GRM5: variants seen among roughly 807,000 people sequenced by gnomAD.
GRM5 encodes glutamate metabotropic receptor 5, also known as metabotropic glutamate receptor 5.
In GRM5, 19 loss-of-function variants were observed where a neutral mutation model predicts 83.1. That is an observed-to-expected ratio of 0.23 (90% CI 0.16 to 0.34). GRM5 has a LOEUF of 0.34. Among genes scored for constraint, GRM5 ranks in the 10% least tolerant of loss-of-function variants. The pLI is 1.00. For synonymous variants in GRM5, 675 were observed against 633.6 expected (o/e 1.07, Z -0.98); for missense variants, 1,160 against 1,588.3 (o/e 0.73, Z 4.58).
chr11:88,583,099 C>T (rs904139384), intron 7 of GRM5, among the ~76,000 whole-genome samples: 3 of 150,624 alleles, frequency 2.0e-5, no homozygotes, highest in African/African-American at 7.3e-5. Flanking sequence ...ATTTAATGTG[C>T]TTATTTATTA....
chr11:88,833,979 A>C (rs1944044915), intron 3 of GRM5, among the ~76,000 whole-genome samples: 1 of 152,178 alleles, frequency 6.6e-6, no homozygotes, highest in Non-Finnish European at 1.5e-5. Flanking sequence ...GTAGGGCGTA[A>C]ATAAGAGAGG....
Position 88,509,515 on chromosome 11 carries a change from A to G in GRM5, c.2727-11T>C. ...GATTTTCCATTGGAACTGAGGAGAG[A>G]AGGGAGAGGAAAGGTGACTCAGCGA... On this transcript the variant is annotated splice_polypyrimidine_tract_variant and intron_variant, in intron 9 of 9. Coordinates refer to ENST00000305447, the MANE Select transcript of GRM5 (RefSeq NM_001143831.3). 1.9e-6 allele frequency: 3 copies of G among 1,603,856 alleles called. No individual in the cohort carries two copies. In the South Asian group the frequency reaches 3.3e-5, roughly 18 times the overall value.
At chr11:88,963,935 ATATTCT>A (rs762036676) in intron 2 of GRM5, among the ~76,000 whole-genome samples, 4 of 152,150 alleles carry the variant, frequency 2.6e-5, no homozygotes, top group Non-Finnish European at 5.9e-5. Context: ...AGGTTTAGAA[ATATTCT>A]TATTCTTATT....
chr11:88,673,454 A>T (rs1284001713), intron 3 of GRM5, among the ~76,000 whole-genome samples: 1 of 151,922 alleles, frequency 6.6e-6, no homozygotes, highest in African/African-American at 2.4e-5. Context: ...CTTGTGAAAC[A>T]ATCAAGTGAA....
At chr11:88,620,388 C>G (rs1454531199) in intron 4 of GRM5, among the ~76,000 whole-genome samples, 1 of 152,156 alleles carries the variant, frequency 6.6e-6, no homozygotes, top group East Asian at 1.9e-4. Context: ...CTATGTGGAT[C>G]AGACACACAT....
intron 3 of GRM5, among the ~76,000 whole-genome samples, chr11:88,821,292 G>C (rs888364104): frequency 7.3e-6 from 1 of 136,734 alleles, no homozygotes; most frequent in African/African-American, 2.7e-5. Context: ...AGGGTTGATC[G>C]TAACTCCCTT....
At chr11:88,764,261 G>T (rs191413617) in intron 3 of GRM5, among the ~76,000 whole-genome samples, 5 of 151,608 alleles carry the variant, frequency 3.3e-5, no homozygotes, top group African/African-American at 1.2e-4. Flanking sequence ...CATAACGGTT[G>T]CAGACTTCAA....
rs1941282948 is a variant in GRM5 at position 88,509,189 on chromosome 11, C to T, written c.3042G>A (p.Ala1014=). 1 of 1,533,942 alleles carries T rather than the reference C, an allele frequency of 6.5e-7. No individual in the cohort carries two copies. Among genetic ancestry groups the T allele is most frequent in the Non-Finnish European group, 8.7e-7 (1 of 1,142,866 alleles). The part of the protein sequence containing the change: ...AEAEEHFPAP[A]RPRSPSPIST... ...TGATGGGCGACGGTGAGCGCGGCCGCGCGGGCGCCGGGAAGTGCTCCTCAG... is the reference window on the plus strand; with the variant it reads ...TGATGGGCGACGGTGAGCGCGGCCGTGCGGGCGCCGGGAAGTGCTCCTCAG... The change falls in exon 10 of 10, where the codon GCG becomes GCA. Residue 1014 remains alanine (A), a synonymous_variant. Coordinates refer to ENST00000305447, the MANE Select transcript of GRM5 (RefSeq NM_001143831.3).
chr11:89,023,185 G>A (rs1038285994), intron 2 of GRM5, among the ~76,000 whole-genome samples: 13 of 152,004 alleles, frequency 8.6e-5, no homozygotes, highest in Admixed American at 7.9e-4. Context: ...GCACATGTGC[G>A]TTCATTGTGT....
At chr11:88,633,387 T>C (rs1939033065) in intron 4 of GRM5, among the ~76,000 whole-genome samples, 1 of 152,216 alleles carries the variant, frequency 6.6e-6, no homozygotes, top group African/African-American at 2.4e-5. Flanking sequence ...TTTTTTCTTC[T>C]ACTGATCGTG....
intron 8 of GRM5, among the ~76,000 whole-genome samples, chr11:88,549,121 G>A (rs1240964133): frequency 2.0e-5 from 3 of 152,130 alleles, no homozygotes; most frequent in Non-Finnish European, 4.4e-5. Flanking sequence ...CTAGGTAATA[G>A]AAAGGGAGAT....
chr11:88,762,803 A>G (rs1157056971), intron 3 of GRM5, among the ~76,000 whole-genome samples: 1 of 151,978 alleles, frequency 6.6e-6, no homozygotes, highest in Non-Finnish European at 1.5e-5. Context: ...TGGTAAAGAA[A>G]ACATAGTACA....
chr11:89,023,577 G>A (rs111934592), intron 2 of GRM5, among the ~76,000 whole-genome samples: 4 of 152,198 alleles, frequency 2.6e-5, no homozygotes, highest in African/African-American at 9.6e-5. Flanking sequence ...CAGGGGCTGT[G>A]GCTCACGCCT....
intron 8 of GRM5, among the ~76,000 whole-genome samples, chr11:88,545,906 TGTCTGATCCCCAATCCTCACCTA>T (rs1357607115): frequency 6.6e-6 from 1 of 152,152 alleles, no homozygotes; most frequent in Non-Finnish European, 1.5e-5. Context: ...TTTTGTATAT[TGTCTGATCCCCAATCCTCACCTA>T]GTCTGATCCC....
intron 2 of GRM5, among the ~76,000 whole-genome samples, chr11:88,884,766 G>T (rs1274006397): frequency 6.6e-6 from 1 of 152,150 alleles, no homozygotes; most frequent in African/African-American, 2.4e-5. Context: ...GTTTTATAAA[G>T]GGGAGTTCCC....
chr11:88,926,213 T>G (rs1278471660), intron 2 of GRM5, among the ~76,000 whole-genome samples: 1 of 152,142 alleles, frequency 6.6e-6, no homozygotes, highest in East Asian at 1.9e-4. Context: ...GAGCCCATAT[T>G]CAAAACCAAA....
At chr11:88,672,445 T>C (rs1359295223) in intron 3 of GRM5, among the ~76,000 whole-genome samples, 9 of 151,948 alleles carry the variant, frequency 5.9e-5, no homozygotes, top group Admixed American at 5.9e-4. Context: ...TTAAATACAA[T>C]TGAATAATAT....
chr11:88,907,281 C>CA (rs1945420189), intron 2 of GRM5, among the ~76,000 whole-genome samples: 1 of 152,120 alleles, frequency 6.6e-6, no homozygotes, highest in Admixed American at 6.6e-5. Flanking sequence ...AGCCTTCCAA[C>CA]AGCTGGGAGG....
At chr11:88,858,157 T>C (rs956696014) in intron 2 of GRM5, among the ~76,000 whole-genome samples, 13 of 152,036 alleles carry the variant, frequency 8.6e-5, no homozygotes, top group African/African-American at 3.1e-4. Context: ...AGGTGTTTAT[T>C]ATTGGAAGTA....
Sources: gnomAD v4.1 joint callset for allele counts (sites outside exome capture counted in the v4.1 genomes callset) on GRCh38, gnomAD v4.1.1 for gene constraint, MANE v1.5 for transcripts, NCBI Gene and HGNC (gene_info 2026-07-23, HGNC 2026-07-21) for gene names.